The following USO1 variants were observed in gnomAD, a reference collection of about 807,000 sequenced individuals.
The protein encoded by USO1 is general vesicular transport factor p115.
Under a neutral mutation model 124.5 loss-of-function variants are expected in USO1, and 57 were observed. The observed-to-expected ratio is 0.46, with a 90% CI of 0.37 to 0.57. The LOEUF (loss-of-function observed/expected upper bound fraction) is 0.57, where lower values mean the gene tolerates loss of function less well. Ranked by LOEUF, USO1 falls within the 20% of genes least tolerant of loss-of-function variation. The pLI, the probability that USO1 is intolerant of heterozygous loss-of-function variation, is 0.00. For synonymous variants in USO1, 369 were observed against 362.8 expected (o/e 1.02, Z -0.19); for missense variants, 900 against 1,040.6 (o/e 0.86, Z 1.86).
Position 75,771,093 on chromosome 4 carries a change from T to A in USO1, c.511T>A (p.Leu171Met). The change falls in exon 7 of 24, where the codon TTG becomes ATG. Residue 171 changes from leucine to methionine, a missense_variant. Transcript: ENST00000514213. The stretch of plus-strand genomic sequence containing the variant: ...GTTGTATGTTCTAGGTGTTTCAAGA[T>A]TGATGGACTTACTAGCGGATTCCAG... Reference protein sequence around the residue: ...ILVSPMGVSRLMDLLADSREV... With the variant: ...ILVSPMGVSRMMDLLADSREV... 1 of 1,611,894 alleles carries A rather than the reference T, an allele frequency of 6.2e-7. No individual in the cohort carries two copies. The highest frequency in any genetic ancestry group is 1.1e-5 in the South Asian group (1 of 90,566).
chr4:75,810,287 T>C, intron 21 of USO1, 145 bp from the exon 22 acceptor site: 1 of 900,112 alleles, frequency 1.1e-6, no homozygotes, highest in Non-Finnish European at 1.6e-6. Context: ...GGAGAGCACT[T>C]TGTTGCACAT....
chr4:75,807,217 A>G lies in USO1; in HGVS notation c.2376+645A>G, dbSNP rs561237573. Among the ~76,000 whole-genome samples, 11 of 152,294 alleles carry G rather than the reference A, an allele frequency of 7.2e-5. No homozygotes were observed. In the South Asian group the frequency reaches 2.1e-3, roughly 29 times the overall value. ...ATCAAAAGAGAGAAATGAACTCTGT[A>G]TACTTACAATTAAATAATGTAGCAA... On this transcript the variant is annotated intron_variant, in intron 20 of 23. Coordinates refer to ENST00000514213, the MANE Select transcript of USO1 (RefSeq NM_003715.4).
At chr4:75,795,930 T>G (rs977991698) in intron 13 of USO1, among the ~76,000 whole-genome samples, 1 of 151,934 alleles carries the variant, frequency 6.6e-6, no homozygotes, top group African/African-American at 2.4e-5. Flanking sequence ...TTTTGTTTTG[T>G]TTTGTTTTGT....
Position 75,724,814 on chromosome 4 carries a change from G to A in USO1, c.-6G>A. ...GGGCCGGTAAACCTGGTGGCTGAACGGCAAGATGAATTTCCTCCGCGGGGT... is the reference window on the plus strand; with the variant it reads ...GGGCCGGTAAACCTGGTGGCTGAACAGCAAGATGAATTTCCTCCGCGGGGT... On this transcript the variant is annotated 5_prime_UTR_variant, in exon 1 of 24. Transcript: ENST00000514213. The A allele has an allele frequency of 6.2e-7, 1 of 1,613,818 alleles. No individual in the cohort carries two copies. The highest frequency in any genetic ancestry group is 8.5e-7 in the Non-Finnish European group (1 of 1,179,824).
intron 3 of USO1, chr4:75,755,560 T>C (rs1721416404): frequency 2.0e-6 from 1 of 508,864 alleles, no homozygotes; most frequent in Admixed American, 2.0e-5. Context: ...ATTTCAGTTA[T>C]GCCCAGCTGC....
At chr4:75,737,880 T>C (rs1170346809) in intron 1 of USO1, among the ~76,000 whole-genome samples, 2 of 151,724 alleles carry the variant, frequency 1.3e-5, no homozygotes, top group South Asian at 4.2e-4. Context: ...GAGGCTGGAG[T>C]GTAGTGGCGT....
chr4:75,726,561 C>G (rs1307248786), intron 1 of USO1, among the ~76,000 whole-genome samples: 1 of 120,240 alleles, frequency 8.3e-6, no homozygotes, highest in South Asian at 2.8e-4. Context: ...TGAAGAGACT[C>G]CATCTCAAAA....
intron 4 of USO1, among the ~76,000 whole-genome samples, chr4:75,763,427 AT>A (rs1211243094): frequency 2.0e-5 from 3 of 152,186 alleles, no homozygotes; most frequent in African/African-American, 7.2e-5. Flanking sequence ...GATTTCTGTT[AT>A]ATTTTGCCTA....
intron 8 of USO1, among the ~76,000 whole-genome samples, chr4:75,780,954 C>T (rs1279003521): frequency 6.6e-6 from 1 of 152,060 alleles, no homozygotes; most frequent in Non-Finnish European, 1.5e-5. Context: ...GCAATTTTGA[C>T]TTTCAAGTCT....
Position 75,781,688 on chromosome 4 carries a change from CTG to C in USO1, c.677-988_677-987del, listed in dbSNP as rs142426130. ...AAGTCTAGAACCAATAAGTAGATGTCTGTGTAGAGAAACTCTATTTGTACTTA... is the reference window on the plus strand; with the variant it reads ...AAGTCTAGAACCAATAAGTAGATGTCTGTAGAGAAACTCTATTTGTACTTA... On this transcript the variant is annotated intron_variant, in intron 8 of 23. Transcript: ENST00000514213. Among the ~76,000 whole-genome samples the C allele has an allele frequency of 5.8e-3, 882 of 152,162 alleles. 16 individuals carry two copies. Among genetic ancestry groups the C allele is most frequent in the African/African-American group, 0.02 (827 of 41,494 alleles).
chr4:75,810,676 T>A, intron 22 of USO1, 137 bp downstream of exon 22: 1 of 1,107,314 alleles, frequency 9.0e-7, no homozygotes, highest in Non-Finnish European at 1.2e-6. Context: ...TTTTCACTCC[T>A]ATATTGATGA....
Position 75,813,291 on chromosome 4 carries a change from T to A in USO1, c.2885T>A (p.Ile962Asn). The change falls in exon 24 of 24, where the codon ATC becomes AAC. Residue 962 changes from isoleucine (I) to asparagine (N), a missense_variant. Around this residue, in one of 2 missense-constraint regions of USO1, gnomAD observed 362 missense variants for 359.0 expected, o/e 1.01. Transcript: ENST00000514213. ...GATCCTGGCAAGGATCTAGATCATA[T>A]CTAGTTTTCAAATCTCTAGGAACAA... is the stretch of plus-strand genomic sequence containing the variant. The part of the protein sequence containing the change: ...SEDPGKDLDH[I>N] 6.3e-7 allele frequency: 1 copy of A among 1,596,358 alleles called. No homozygotes were observed. The highest frequency in any genetic ancestry group is 8.5e-7 in the Non-Finnish European group (1 of 1,174,570).
chr4:75,799,773 A>C (rs774159368), intron 14 of USO1, 41 bp downstream of exon 14: 21 of 1,603,466 alleles, frequency 1.3e-5, no homozygotes, highest in Middle Eastern at 1.7e-4. Flanking sequence ...AAGTATTTAT[A>C]TCTTTTTTAG....
At chr4:75,748,951 AAT>A (rs1014793228) in intron 1 of USO1, among the ~76,000 whole-genome samples, 2 of 151,718 alleles carry the variant, frequency 1.3e-5, no homozygotes, top group Admixed American at 6.6e-5. Flanking sequence ...TAGTAAAAAA[AAT>A]ATATATATAC....
At chr4:75,783,232 T>C (rs1207342376) in intron 9 of USO1, among the ~76,000 whole-genome samples, 29 of 152,194 alleles carry the variant, frequency 1.9e-4, no homozygotes, top group Admixed American at 1.9e-3. Context: ...AATTTTAATA[T>C]TCAAACTATT....
chr4:75,755,117 G>A (rs987431745), intron 3 of USO1, among the ~76,000 whole-genome samples: 4 of 152,170 alleles, frequency 2.6e-5, no homozygotes, highest in African/African-American at 9.7e-5. Context: ...CTCTCCCAGA[G>A]CAAACTATCC....
rs571616159 is a variant in USO1 at position 75,809,397 on chromosome 4, A to G, written c.2475+346A>G. On this transcript the variant is annotated intron_variant, in intron 21 of 23. Coordinates refer to ENST00000514213, the MANE Select transcript of USO1 (RefSeq NM_003715.4). ...CTTCTCATACTTTTGCAATATAGGTAGACTGAGAATTTTCCAAATCTTCTA... is the reference window on the plus strand; with the variant it reads ...CTTCTCATACTTTTGCAATATAGGTGGACTGAGAATTTTCCAAATCTTCTA... Among the ~76,000 whole-genome samples, 7 of 152,348 alleles carry G rather than the reference A, an allele frequency of 4.6e-5. No homozygotes were observed. The South Asian group carries it at 1.0e-3, about 23-fold the overall frequency.
At chr4:75,736,307 C>CTTTTTTTTTT (rs775201813) in intron 1 of USO1, among the ~76,000 whole-genome samples, 1 of 63,282 alleles carries the variant, frequency 1.6e-5, no homozygotes, top group East Asian at 5.1e-4. Context: ...TACAGCTTAC[C>CTTTTTTTTTT]TTTTTTTTTT....
At chr4:75,737,199 T>C (rs1206612947) in intron 1 of USO1, among the ~76,000 whole-genome samples, 2 of 152,258 alleles carry the variant, frequency 1.3e-5, no homozygotes, top group Admixed American at 6.5e-5. Flanking sequence ...TTAACCACTG[T>C]GCCTCTGTTT....
Sources: allele counts gnomAD v4.1 joint callset (sites outside exome capture counted in the v4.1 genomes callset), GRCh38; gene constraint gnomAD v4.1.1; regional missense constraint gnomAD v4.1.1; transcripts MANE v1.5; gene names NCBI Gene and HGNC (gene_info 2026-07-23, HGNC 2026-07-21).